The following ASIC2 variants were observed in gnomAD, a reference collection of about 807,000 sequenced individuals.
ASIC2 encodes the protein acid sensing ion channel subunit 2.
A neutral mutation model predicts 57.3 loss-of-function variants in ASIC2; 25 were observed. The observed-to-expected ratio is 0.44, with a 90% CI of 0.32 to 0.61. The LOEUF (loss-of-function observed/expected upper bound fraction) is 0.61, where lower values mean the gene tolerates loss of function less well. ASIC2 is among the 20% of genes least tolerant of loss of function. ASIC2 has a pLI of 0.06. For synonymous variants in ASIC2, 319 were observed against 307.5 expected, an observed-to-expected ratio of 1.04 and a Z score of -0.39; for missense variants, 641 against 738.1, an observed-to-expected ratio of 0.87 and a Z score of 1.52.
In ASIC2 at chr17:34,114,453, G is replaced by T. The variant is rs143473410; in HGVS notation, c.555+41525C>A. On this transcript the variant is annotated intron_variant, in intron 1 of 9. Transcript: ENST00000359872. ...TAGCCCTTTTCCCATCAAGTAGGAA[G>T]AACATGAGATTTGGAGCAAGGACAA... 1.2e-4 allele frequency among the ~76,000 whole-genome samples: 19 copies of T among 152,268 alleles called. No homozygotes were observed. The East Asian group carries it at 3.5e-3, about 28-fold the overall frequency.
chr17:33,162,205 T>C (rs955467532), intron 1 of ASIC2, among the ~76,000 whole-genome samples: 2 of 152,130 alleles, frequency 1.3e-5, no homozygotes, highest in African/African-American at 4.8e-5. Context: ...TGCCTGCCCC[T>C]TGGAGGCTGT....
At chr17:33,149,237 C>T (rs1030708084) in intron 1 of ASIC2, among the ~76,000 whole-genome samples, 2 of 152,098 alleles carry the variant, frequency 1.3e-5, no homozygotes, top group Non-Finnish European at 2.9e-5. Flanking sequence ...ATTGTAATCC[C>T]AACACATAGC....
chr17:33,854,106 C>T (rs189459045), intron 1 of ASIC2, among the ~76,000 whole-genome samples: 35 of 152,300 alleles, frequency 2.3e-4, no homozygotes, highest in Non-Finnish European at 4.1e-4. Flanking sequence ...TGCAGATTGT[C>T]CGCCCCAGTA....
chr17:34,130,597 C>A (rs1392624807), intron 1 of ASIC2, among the ~76,000 whole-genome samples: 4 of 152,230 alleles, frequency 2.6e-5, no homozygotes, highest in Non-Finnish European at 4.4e-5. Context: ...AATGCCCACA[C>A]CTTTCCTCAA....
At chr17:33,752,458 C>T (rs1166352533) in intron 1 of ASIC2, among the ~76,000 whole-genome samples, 1 of 152,034 alleles carries the variant, frequency 6.6e-6, no homozygotes, top group Non-Finnish European at 1.5e-5. Context: ...TTACAAAGCA[C>T]ATATCTGAAA....
chr17:33,265,298 A>G (rs921062772), intron 1 of ASIC2, among the ~76,000 whole-genome samples: 3 of 152,380 alleles, frequency 2.0e-5, no homozygotes, highest in Non-Finnish European at 4.4e-5. Context: ...AAAATGTGGT[A>G]CATATACACC....
chr17:33,193,160 G>A (rs933637238), intron 1 of ASIC2, among the ~76,000 whole-genome samples: 2 of 152,208 alleles, frequency 1.3e-5, no homozygotes, highest in African/African-American at 4.8e-5. Context: ...TTGAAGCAGG[G>A]AAACCCTACT....
chr17:33,510,817 G>C (rs1468972265), intron 1 of ASIC2, among the ~76,000 whole-genome samples: 1 of 152,056 alleles, frequency 6.6e-6, no homozygotes, highest in East Asian at 1.9e-4. Flanking sequence ...AAGCATCTGA[G>C]AGTGCAACCC....
At chr17:33,260,320 G>A (rs1909231594) in intron 1 of ASIC2, among the ~76,000 whole-genome samples, 2 of 152,280 alleles carry the variant, frequency 1.3e-5, no homozygotes, top group Admixed American at 1.3e-4. Context: ...ACAGGGAGAG[G>A]GGTGCCAGAA....
intron 1 of ASIC2, among the ~76,000 whole-genome samples, chr17:34,127,760 C>T (rs1911831260): frequency 6.6e-6 from 1 of 152,134 alleles, no homozygotes; most frequent in Admixed American, 6.5e-5. Context: ...GGGCTGAACT[C>T]AAGAATACAA....
chr17:33,712,437 C>A (rs1472757250), intron 1 of ASIC2, among the ~76,000 whole-genome samples: 2 of 152,062 alleles, frequency 1.3e-5, no homozygotes, highest in East Asian at 3.9e-4. Context: ...TAACAATTTG[C>A]CCCCCAAAAC....
rs35706158 is a variant in ASIC2 at position 33,905,165 on chromosome 17, T to TCC, written c.555+250811_555+250812dup. Reference sequence around the variant, plus strand: ...GCTTTTTTTTTTTTTTTTTTTTTTTTCCACTTAGCGTTCTTGCCTTAGGAA... The same window carrying TCC: ...GCTTTTTTTTTTTTTTTTTTTTTTTTCCCCACTTAGCGTTCTTGCCTTAGGAA... On this transcript the variant is annotated intron_variant, in intron 1 of 9. Coordinates refer to the ASIC2 transcript ENST00000359872. Among the ~76,000 whole-genome samples, 6 of 108,456 alleles carry TCC rather than the reference T, an allele frequency of 5.5e-5. No individual in the cohort carries two copies. In the East Asian group the frequency reaches 1.3e-3, roughly 23 times the overall value. The allele number at this position is 108,456 out of a possible 152,430, so 71.2% of individuals were successfully genotyped here.
At chr17:33,978,310 C>T (rs1317783316) in intron 1 of ASIC2, among the ~76,000 whole-genome samples, 3 of 152,176 alleles carry the variant, frequency 2.0e-5, no homozygotes, top group East Asian at 1.9e-4. Flanking sequence ...CCCAGGGCTA[C>T]GTAGAAAATA....
chr17:33,870,224 GTTTTTTTTTTTT>G lies in ASIC2; in HGVS notation c.555+285742_555+285753del, dbSNP rs869267956. Among the ~76,000 whole-genome samples the G allele has an allele frequency of 2.2e-4, 11 of 50,122 alleles. No homozygotes were observed. The South Asian group carries it at 3.4e-3, about 15-fold the overall frequency. 32.9% of individuals were successfully genotyped at this position (50,122 alleles called of 152,430 possible). A position where few individuals can be genotyped will look rare whatever the true frequency, so the allele number is the denominator to read the frequency against. On this transcript the variant is annotated intron_variant, in intron 1 of 9. Coordinates refer to the ASIC2 transcript ENST00000359872. ...CTTGTGGGCTGTGATGAGAAATTCT[GTTTTTTTTTTTT>G]TTTTTTTTTTTTTTTTGTCTAAGCA...
intron 1 of ASIC2, among the ~76,000 whole-genome samples, chr17:33,120,379 C>T (rs746870207): frequency 4.4e-4 from 67 of 152,190 alleles, no homozygotes; most frequent in Non-Finnish European, 8.5e-4. Context: ...GAGCATCAAG[C>T]GCCTGCAAAT....
intron 1 of ASIC2, among the ~76,000 whole-genome samples, chr17:33,148,707 CA>C (rs886320598): frequency 2.0e-5 from 3 of 152,020 alleles, no homozygotes; most frequent in Admixed American, 2.0e-4. Context: ...GCTCAGACCT[CA>C]AAAAATATTA....
chr17:33,827,221 G>A (rs1164691289), intron 1 of ASIC2, among the ~76,000 whole-genome samples: 2 of 152,052 alleles, frequency 1.3e-5, no homozygotes, highest in Non-Finnish European at 2.9e-5. Context: ...TGCAGTCAGA[G>A]GAGTTAAACT....
chr17:33,094,635 G>A (rs2092170870), intron 2 of ASIC2, among the ~76,000 whole-genome samples: 1 of 152,204 alleles, frequency 6.6e-6, no homozygotes, highest in African/African-American at 2.4e-5. Context: ...GGGAAGGACG[G>A]ACATTGGGTT....
intron 1 of ASIC2, among the ~76,000 whole-genome samples, chr17:33,924,569 T>C (rs1484608386): frequency 6.6e-6 from 1 of 152,222 alleles, no homozygotes; most frequent in Non-Finnish European, 1.5e-5. Flanking sequence ...AAAATTCTAT[T>C]TCCCCGTAGA....
Sources: allele counts gnomAD v4.1 joint callset (sites outside exome capture counted in the v4.1 genomes callset), GRCh38; gene constraint gnomAD v4.1.1; transcripts MANE v1.5; gene names NCBI Gene and HGNC (gene_info 2026-07-23, HGNC 2026-07-21).